Variants in DYNC2I1 observed in about 807,000 individuals in gnomAD.
DYNC2I1 encodes dynein 2 intermediate chain 1, also known as cytoplasmic dynein 2 intermediate chain 1.
A neutral mutation model predicts 133.4 loss-of-function variants in DYNC2I1; 89 were observed. That is an observed-to-expected ratio of 0.67 (90% confidence interval 0.56 to 0.80). DYNC2I1 has a LOEUF of 0.80. Among genes scored for constraint, DYNC2I1 ranks in the 30% least tolerant of loss-of-function variants. DYNC2I1 has a pLI of 0.00. For missense variants in DYNC2I1, 1,291 were observed against 1,314.5 expected, an observed-to-expected ratio of 0.98 and a Z score of 0.28; for synonymous variants, 504 against 484.3, an observed-to-expected ratio of 1.04 and a Z score of -0.54.
At chr7:158,858,033 C>T (rs146978777) in intron 1 of DYNC2I1, among the ~76,000 whole-genome samples, 2,406 of 152,192 alleles carry the variant, frequency 0.016, 54 homozygotes, top group African/African-American at 0.055. Flanking sequence ...TCCGGTGATC[C>T]GCCCGCCTTG....
At chr7:158,894,648 T>G (rs1182827801) in intron 8 of DYNC2I1, among the ~76,000 whole-genome samples, 12 of 152,248 alleles carry the variant, frequency 7.9e-5, no homozygotes, top group Non-Finnish European at 1.2e-4. Context: ...AAATGTGCTA[T>G]AAACATCTGT....
intron 23 of DYNC2I1, among the ~76,000 whole-genome samples, chr7:158,938,998 TTAAAAA>T (rs1435089614): frequency 6.6e-6 from 1 of 152,162 alleles, no homozygotes; most frequent in Non-Finnish European, 1.5e-5. Context: ...TATAAGTAAT[TTAAAAA>T]TATATAAATT....
rs1850114863 is a variant in DYNC2I1 at position 158,930,522 on chromosome 7, T to C, written c.2546+7T>C. On this transcript the variant is annotated splice_region_variant and intron_variant, in intron 21 of 24. Transcript: ENST00000407559. ...TGATCCAGTTGGGTGACAGGTAAGA[T>C]GTGAGGGAAAATGCTTCACTATCTC... The C allele has an allele frequency of 1.2e-6, 2 of 1,611,580 alleles. No individual in the cohort carries two copies. The highest frequency in any genetic ancestry group is 2.2e-5 in the East Asian group (1 of 44,864).
At chr7:158,842,017 G>A in the DYNC2I1 span, among the ~76,000 whole-genome samples, 9 of 152,182 alleles carry the variant, frequency 5.9e-5, no homozygotes, top group African/African-American at 2.2e-4. Flanking sequence ...TCCTGTGGCT[G>A]GCAAGGTATT....
At chr7:158,848,646 C>A in the DYNC2I1 span, among the ~76,000 whole-genome samples, 2 of 151,596 alleles carry the variant, frequency 1.3e-5, no homozygotes, top group African/African-American at 4.9e-5. Flanking sequence ...TGGACCAGGC[C>A]GGGCGCGGTG....
chr7:158,885,601 C>G (rs572426683), intron 6 of DYNC2I1, among the ~76,000 whole-genome samples: 29 of 148,980 alleles, frequency 1.9e-4, no homozygotes, highest in Non-Finnish European at 3.6e-4. Flanking sequence ...CTTGGCCTCC[C>G]AAAGTGCTGG....
chr7:158,915,354 C>CCTGGACACGG (rs1847981535), intron 14 of DYNC2I1, among the ~76,000 whole-genome samples: 13 of 97,870 alleles, frequency 1.3e-4, no homozygotes, highest in South Asian at 1.1e-3. Flanking sequence ...CGTCGACACG[C>CCTGGACACGG]TGGTTGACAT....
chr7:158,869,367 G>T, intron 1 of DYNC2I1: 1 of 443,810 alleles, frequency 2.3e-6, no homozygotes. Flanking sequence ...ATCTGGAGCT[G>T]CAGCCCAGGA....
At chr7:158,878,106 T>TC (rs1274069222) in intron 4 of DYNC2I1, among the ~76,000 whole-genome samples, 1 of 107,266 alleles carries the variant, frequency 9.3e-6, no homozygotes, top group Non-Finnish European at 1.9e-5. Context: ...GTGCTGGGCA[T>TC]CATGTGGGGA....
In DYNC2I1 at chr7:158,879,887, G is replaced by C; in HGVS notation, c.777G>C (p.Lys259Asn). The C allele has an allele frequency of 6.2e-7, 1 of 1,613,688 alleles. No individual in the cohort carries two copies. Among genetic ancestry groups the C allele is most frequent in the Non-Finnish European group, 8.5e-7 (1 of 1,179,838 alleles). ...SDKGEERHKE[K>N]RHKEGFHFDD... ...AAGGGGAAGAAAGACATAAAGAAAA[G>C]CGACACAAAGAAGGTTTTCATTTTG... The change falls in exon 5 of 25, where the codon AAG becomes AAC. Residue 259 changes from lysine (K) to asparagine (N), a missense_variant. Lys to Asn is a moderately conservative substitution (Grantham distance 94). Transcript: ENST00000407559.
At chr7:158,952,818 G>A (rs1355636723) in intron 4 of DYNC2I1, among the ~76,000 whole-genome samples, 6 of 146,664 alleles carry the variant, frequency 4.1e-5, no homozygotes, top group Non-Finnish European at 6.1e-5. Context: ...GTTGCACAGC[G>A]TGGGCTCAGC....
chr7:158,852,436 G>C (rs544256558), upstream of DYNC2I1, among the ~76,000 whole-genome samples: 1 of 151,714 alleles, frequency 6.6e-6, no homozygotes, highest in African/African-American at 2.4e-5. Context: ...CGCTGGTTTT[G>C]AGGGAGAGAA....
chr7:158,840,367 A>T, the DYNC2I1 span, among the ~76,000 whole-genome samples: 2 of 152,186 alleles, frequency 1.3e-5, no homozygotes, highest in Admixed American at 6.5e-5. Context: ...GGAGTTCAAG[A>T]CCAGCCTGGC....
intron 21 of DYNC2I1, 90 bp downstream of exon 21, chr7:158,930,605 T>C (rs1253115853): frequency 1.9e-5 from 20 of 1,042,216 alleles, no homozygotes; most frequent in Non-Finnish European, 2.5e-5. Context: ...AATGGTGAGC[T>C]TTTGCGATGA....
chr7:158,953,711 C>CGT (rs1321456727), intron 4 of DYNC2I1, among the ~76,000 whole-genome samples: 1 of 151,780 alleles, frequency 6.6e-6, no homozygotes, highest in Non-Finnish European at 1.5e-5. Flanking sequence ...CTTACATATG[C>CGT]GTGTGTGTAT....
the DYNC2I1 span, among the ~76,000 whole-genome samples, chr7:158,839,436 AG>A: frequency 3.7e-3 from 560 of 151,602 alleles, 1 homozygote; most frequent in African/African-American, 0.013. Flanking sequence ...CAAAACCTAA[AG>A]AGGATGCTAA....
intron 17 of DYNC2I1, among the ~76,000 whole-genome samples, 170 bp from the exon 18 acceptor site, chr7:158,926,017 T>A (rs1424727183): frequency 6.6e-6 from 1 of 152,198 alleles, no homozygotes; most frequent in Non-Finnish European, 1.5e-5. Context: ...GTCAGTTGTG[T>A]GTGTCAGTCG....
chr7:158,917,839 C>T (rs1470273316), intron 14 of DYNC2I1, among the ~76,000 whole-genome samples: 6 of 152,188 alleles, frequency 3.9e-5, no homozygotes, highest in Admixed American at 6.5e-5. Context: ...CATTTTCTTC[C>T]TTCTTCACAC....
intron 23 of DYNC2I1, among the ~76,000 whole-genome samples, chr7:158,939,567 A>C (rs909380395): frequency 1.3e-5 from 2 of 152,234 alleles, no homozygotes; most frequent in African/African-American, 2.4e-5. Context: ...AAAGGAAGAG[A>C]GGAGTCTTAA....
Sources: allele counts gnomAD v4.1 joint callset (sites outside exome capture counted in the v4.1 genomes callset), GRCh38; gene constraint gnomAD v4.1.1; transcripts MANE v1.5; gene names NCBI Gene and HGNC (gene_info 2026-07-23, HGNC 2026-07-21).